KIRREL3: variants seen among roughly 807,000 people sequenced by gnomAD.
The protein encoded by KIRREL3 is kirre like nephrin family adhesion molecule 3.
KIRREL3 carries 36 observed loss-of-function variants against 89.7 expected under a neutral mutation model. The ratio of observed to expected loss-of-function variants is 0.40; its 90% CI spans 0.31 to 0.53. The LOEUF is 0.53. KIRREL3 is among the 20% of genes least tolerant of loss of function. The probability of loss-of-function intolerance (pLI) is 0.49; values close to 1 mark genes in which losing one functional copy is unlikely to be tolerated. For missense variants in KIRREL3, 864 were observed against 1,056.6 expected, an observed-to-expected ratio of 0.82 and a Z score of 2.53; for synonymous variants, 445 against 441.4, an observed-to-expected ratio of 1.01 and a Z score of -0.10.
chr11:126,725,858 G>A (rs111451287), intron 1 of KIRREL3, among the ~76,000 whole-genome samples: 12 of 152,312 alleles, frequency 7.9e-5, no homozygotes, highest in African/African-American at 2.2e-4. Context: ...GCTTCCCCTC[G>A]CTGAGTCTCA....
intron 1 of KIRREL3, among the ~76,000 whole-genome samples, chr11:126,818,479 C>CAT (rs2134445268): frequency 6.6e-6 from 1 of 152,296 alleles, no homozygotes; most frequent in Admixed American, 6.5e-5. Flanking sequence ...CTTATGATAA[C>CAT]ATCTCTTTTA....
Position 126,722,488 on chromosome 11 carries a change from G to A in KIRREL3, c.56-159576C>T, listed in dbSNP as rs780179529. Among the ~76,000 whole-genome samples, 332 of 152,308 alleles carry A rather than the reference G, an allele frequency of 2.2e-3. 5 individuals are homozygous for A. Among genetic ancestry groups the A allele is most frequent in the Non-Finnish European group, 3.7e-3 (254 of 68,032 alleles). ...GGGGTTGGCAAACGATGGCCCTTGG[G>A]GCCAAATTCAGTCCACTCCCTGTTT... On this transcript the variant is annotated intron_variant, in intron 1 of 16. Coordinates refer to ENST00000525144, the MANE Select transcript of KIRREL3 (RefSeq NM_032531.4).
chr11:126,768,837 G>A lies in KIRREL3; in HGVS notation c.56-205925C>T, dbSNP rs961137722. ...ATGGCAGGATGTCTGAGCAGTCGGC[G>A]GAGACCAGACATAGAGCTCCATGGA... is the stretch of plus-strand genomic sequence containing the variant. On this transcript the variant is annotated intron_variant, in intron 1 of 16. Transcript: ENST00000525144. The surrounding 1 kb of genome is among the most constrained non-coding windows in gnomAD (Gnocchi z 4.5). Among the ~76,000 whole-genome samples, 52 of 152,254 alleles carry A rather than the reference G, an allele frequency of 3.4e-4. No individual in the cohort carries two copies. The highest frequency in any genetic ancestry group is 1.2e-3 in the African/African-American group (50 of 41,544).
Position 126,778,685 on chromosome 11 carries a change from A to G in KIRREL3, c.56-215773T>C, listed in dbSNP as rs1317913502. Among the ~76,000 whole-genome samples the G allele has an allele frequency of 1.3e-5, 2 of 152,238 alleles. No individual in the cohort carries two copies. The highest frequency in any genetic ancestry group is 4.8e-5 in the African/African-American group (2 of 41,470). Reference sequence around the variant, plus strand: ...ATGGTGTGATCACATGGCTCTCCAGAAAGGTGGTACCAACATACATTCCCG... The same window carrying G: ...ATGGTGTGATCACATGGCTCTCCAGGAAGGTGGTACCAACATACATTCCCG... On this transcript the variant is annotated intron_variant, in intron 1 of 16. Coordinates refer to ENST00000525144, the MANE Select transcript of KIRREL3 (RefSeq NM_032531.4). The surrounding 1 kb of genome is among the most constrained non-coding windows in gnomAD (Gnocchi z 4.5).
rs1949721607 is a variant in KIRREL3, at chr11:126,763,361, C to A, written c.56-200449G>T. 6.6e-6 allele frequency among the ~76,000 whole-genome samples: 1 copy of A among 152,172 alleles called. No individual in the cohort carries two copies. On this transcript the variant is annotated intron_variant, in intron 1 of 16. Coordinates refer to ENST00000525144, the MANE Select transcript of KIRREL3 (RefSeq NM_032531.4). This position sits in a 1 kb window ranked among gnomAD's most constrained non-coding sequence, Gnocchi z 4.7. ...CATCTGTGCCAAGGGCTGGGCAGGG[C>A]AGTGCTCCTCACTTCCTCCATCTGC...
At chr11:126,446,191 C>T (rs535117846) in intron 9 of KIRREL3, among the ~76,000 whole-genome samples, 69 of 151,826 alleles carry the variant, frequency 4.5e-4, no homozygotes, top group African/African-American at 1.7e-3. Context: ...GAAAGTGAAG[C>T]CCAAGTCCAA....
intron 1 of KIRREL3, among the ~76,000 whole-genome samples, chr11:126,728,195 A>C (rs1209857195): frequency 6.6e-6 from 1 of 152,118 alleles, no homozygotes; most frequent in Non-Finnish European, 1.5e-5. Context: ...TAATTGGGAC[A>C]CCAGGAGGGG....
intron 1 of KIRREL3, among the ~76,000 whole-genome samples, chr11:126,949,946 C>T (rs981923575): frequency 5.9e-5 from 9 of 152,184 alleles, no homozygotes; most frequent in Non-Finnish European, 1.3e-4. Flanking sequence ...AAAATCTGCA[C>T]GTCTGTGTGT....
In KIRREL3 at chr11:126,499,629, C is replaced by T. The variant is rs531457473; in HGVS notation, c.433+21686G>A. On this transcript the variant is annotated intron_variant, in intron 4 of 16. Coordinates refer to ENST00000525144, the MANE Select transcript of KIRREL3 (RefSeq NM_032531.4). Reference sequence around the variant, plus strand: ...AGCATTGCACGCCAAACATCCCAAACGCTCACGTTAGGGAGTGGGGGCAGG... The same window carrying T: ...AGCATTGCACGCCAAACATCCCAAATGCTCACGTTAGGGAGTGGGGGCAGG... 1.1e-4 allele frequency among the ~76,000 whole-genome samples: 16 copies of T among 152,356 alleles called. No homozygotes were observed. The South Asian group carries it at 1.9e-3, about 18-fold the overall frequency.
At position 126,703,645 on chromosome 11, in the gene KIRREL3, G is replaced by A. The variant is rs1484088226; in HGVS notation, c.56-140733C>T. ...AAGTTCACACTTTGTCTTCATTCATGATACAAAAGAGATGTCTGTTTTCCT... is the reference window on the plus strand; with the variant it reads ...AAGTTCACACTTTGTCTTCATTCATAATACAAAAGAGATGTCTGTTTTCCT... On this transcript the variant is annotated intron_variant, in intron 1 of 16. Coordinates refer to ENST00000525144, the MANE Select transcript of KIRREL3 (RefSeq NM_032531.4). This position sits in a 1 kb window ranked among gnomAD's most constrained non-coding sequence, Gnocchi z 4.6. Among the ~76,000 whole-genome samples, 1 of 152,216 alleles carries A rather than the reference G, an allele frequency of 6.6e-6. No homozygotes were observed. Among genetic ancestry groups the A allele is most frequent in the African/African-American group, 2.4e-5 (1 of 41,450 alleles).
intron 1 of KIRREL3, among the ~76,000 whole-genome samples, chr11:126,926,107 A>T (rs1057100763): frequency 2.0e-5 from 3 of 152,198 alleles, no homozygotes; most frequent in Non-Finnish European, 4.4e-5. Flanking sequence ...GCCTCAGCCC[A>T]TCGCTCCAGG....
intron 11 of KIRREL3, among the ~76,000 whole-genome samples, chr11:126,438,490 C>T (rs1189936118): frequency 6.6e-6 from 1 of 152,226 alleles, no homozygotes; most frequent in Non-Finnish European, 1.5e-5. Flanking sequence ...CCTCTACACA[C>T]CCGGTGCCAG....
rs1477347036 is a variant in KIRREL3, at chr11:126,872,361, C to T, written c.55+128094G>A. Among the ~76,000 whole-genome samples, 5 of 152,230 alleles carry T rather than the reference C, an allele frequency of 3.3e-5. No homozygotes were observed. The South Asian group carries it at 1.0e-3, about 32-fold the overall frequency. ...AAGGGGGTATAAACACAGTTGTCAG[C>T]AGCCCATATGCTGCTATTCTGGGCA... On this transcript the variant is annotated intron_variant, in intron 1 of 16. Coordinates refer to ENST00000525144, the MANE Select transcript of KIRREL3 (RefSeq NM_032531.4). This position sits in a 1 kb window ranked among gnomAD's most constrained non-coding sequence, Gnocchi z 4.2.
chr11:126,521,436 G>T lies in KIRREL3; in HGVS notation c.312C>A (p.Asn104Lys). The T allele has an allele frequency of 1.3e-6, 2 of 1,581,462 alleles. No individual in the cohort carries two copies. Among genetic ancestry groups the T allele is most frequent in the Non-Finnish European group, 1.7e-6 (2 of 1,163,480 alleles). The change falls in exon 4 of 17, where the codon AAC (asparagine) becomes AAA (lysine). Residue 104 changes from asparagine (N) to lysine (K), a missense_variant. Coordinates refer to ENST00000525144, the MANE Select transcript of KIRREL3 (RefSeq NM_032531.4). This position sits in a 1 kb window ranked among gnomAD's most constrained non-coding sequence, Gnocchi z 4.1. ...TCAGGTGGTGCTCCCCTGACAGGTG[G>T]TTCCCTACCACCAGGTACTGTGGGT... ...SSYPQYLVVG[N>K]HLSGEHHLKI...
intron 1 of KIRREL3, among the ~76,000 whole-genome samples, chr11:126,913,257 T>A (rs1194660646): frequency 6.6e-6 from 1 of 152,216 alleles, no homozygotes; most frequent in Admixed American, 6.5e-5. Context: ...CCATTTCATT[T>A]CTCTTCCATA....
intron 1 of KIRREL3, among the ~76,000 whole-genome samples, chr11:126,952,622 T>A (rs1948804920): frequency 6.6e-6 from 1 of 152,220 alleles, no homozygotes; most frequent in African/African-American, 2.4e-5. Context: ...TTGCTTTTGG[T>A]GTTTTAGTCA....
rs888894004 is a variant in KIRREL3 at position 126,715,707 on chromosome 11, A to G, written c.56-152795T>C. Among the ~76,000 whole-genome samples the G allele has an allele frequency of 2.6e-5, 4 of 152,214 alleles. No homozygotes were observed. The highest frequency in any genetic ancestry group is 9.6e-5 in the African/African-American group (4 of 41,464). ...ATTAGAAATAAAAGAAGGGCAGGCA[A>G]AAGGAGGAAAGAGAATGCGGGGGAG... On this transcript the variant is annotated intron_variant, in intron 1 of 16. Coordinates refer to ENST00000525144, the MANE Select transcript of KIRREL3 (RefSeq NM_032531.4). This position sits in a 1 kb window ranked among gnomAD's most constrained non-coding sequence, Gnocchi z 4.4.
In KIRREL3 at chr11:126,605,366, C is replaced by T. The variant is rs993467620; in HGVS notation, c.56-42454G>A. On this transcript the variant is annotated intron_variant, in intron 1 of 16. Transcript: ENST00000525144. The surrounding 1 kb of genome is among the most constrained non-coding windows in gnomAD (Gnocchi z 5.7). ...TCGGGAGTGGGAGCAATGGAGCACC[C>T]ATGGTCTCCAGGTCTCAGGCCACTT... Among the ~76,000 whole-genome samples, 2 of 152,180 alleles carry T rather than the reference C, an allele frequency of 1.3e-5. No individual in the cohort carries two copies. The highest frequency in any genetic ancestry group is 4.8e-5 in the African/African-American group (2 of 41,448).
At chr11:126,963,598 G>A (rs1949166295) in intron 1 of KIRREL3, among the ~76,000 whole-genome samples, 1 of 152,134 alleles carries the variant, frequency 6.6e-6, no homozygotes, top group African/African-American at 2.4e-5. Context: ...TTCAAACCCC[G>A]AAGACAAAAC....
Sources: gnomAD v4.1 joint callset for allele counts (sites outside exome capture counted in the v4.1 genomes callset) on GRCh38, gnomAD v4.1.1 for gene constraint, Gnocchi (gnomAD v3.1) non-coding constraint, MANE v1.5 for transcripts, NCBI Gene and HGNC (gene_info 2026-07-23, HGNC 2026-07-21) for gene names.